The following AFAP1 variants were observed in gnomAD, a reference collection of about 807,000 sequenced individuals.
AFAP1 encodes actin filament-associated protein 1.
Under a neutral mutation model 93.9 loss-of-function variants are expected in AFAP1, and 75 were observed. The ratio of observed to expected loss-of-function variants is 0.80; its 90% confidence interval spans 0.66 to 0.97. The LOEUF (loss-of-function observed/expected upper bound fraction) is 0.97. Ranked by LOEUF, AFAP1 falls within the 50% of genes least tolerant of loss-of-function variation. The pLI is 0.00. For missense variants in AFAP1, 1,201 were observed against 1,050.8 expected, an observed-to-expected ratio of 1.14 and a Z score of -1.98; for synonymous variants, 517 against 430.7, an observed-to-expected ratio of 1.20 and a Z score of -2.48.
At chr4:7,869,165 A>T (rs184287766) in intron 2 of AFAP1, among the ~76,000 whole-genome samples, 2 of 151,950 alleles carry the variant, frequency 1.3e-5, no homozygotes, top group East Asian at 3.9e-4. Flanking sequence ...GGGAAAGGGA[A>T]AAGAAAAGAA....
At chr4:7,809,562 A>T in intron 9 of AFAP1, 52 bp downstream of exon 9, 3 of 1,568,130 alleles carry the variant, frequency 1.9e-6, no homozygotes, top group Non-Finnish European at 2.6e-6. Flanking sequence ...TGCAGGAGAA[A>T]ATGAAACCCA....
Position 7,761,748 on chromosome 4 carries a change from T to C in AFAP1, c.*2017A>G, listed in dbSNP as rs1326004502. 1 of 152,262 alleles carries C rather than the reference T, an allele frequency of 6.6e-6. No homozygotes were observed. The highest frequency in any genetic ancestry group is 2.4e-5 in the African/African-American group (1 of 41,464). 9.4% of individuals were successfully genotyped at this position (152,262 alleles called of 1,614,324 possible). A position where few individuals can be genotyped will look rare whatever the true frequency, so the allele number is the denominator to read the frequency against. On this transcript the variant is annotated 3_prime_UTR_variant, in exon 18 of 18. Transcript: ENST00000420658. The stretch of plus-strand genomic sequence containing the variant: ...GGAGGAGCAAACTTTTTTCCCTTTA[T>C]AGAAAATTCATTTTGTGTGATATGA...
chr4:7,763,434 G>A lies in AFAP1; in HGVS notation c.*331C>T. 1 of 299,614 alleles carries A rather than the reference G, an allele frequency of 3.3e-6. No homozygotes were observed. The highest frequency in any genetic ancestry group is 6.2e-6 in the Non-Finnish European group (1 of 161,318). 18.6% of individuals were successfully genotyped at this position (299,614 alleles called of 1,614,324 possible). A position where few individuals can be genotyped will look rare whatever the true frequency, so the allele number is the denominator to read the frequency against. ...ATGGAACCATCCATCCTCAGTCCAGGGCTGGGTTGGAATCGGTGAAAGCAA... is the reference window on the plus strand; with the variant it reads ...ATGGAACCATCCATCCTCAGTCCAGAGCTGGGTTGGAATCGGTGAAAGCAA... On this transcript the variant is annotated 3_prime_UTR_variant, in exon 18 of 18. Coordinates refer to ENST00000420658, the MANE Select transcript of AFAP1 (RefSeq NM_001134647.2).
At chr4:7,772,120 C>T (rs1715527155) in intron 16 of AFAP1, 1 of 152,188 alleles carries the variant, frequency 6.6e-6, no homozygotes, top group African/African-American at 2.4e-5. Flanking sequence ...GGTGGGGACC[C>T]AGGGGCACCC....
chr4:7,834,916 C>G (rs910483636), intron 6 of AFAP1, among the ~76,000 whole-genome samples: 2 of 150,288 alleles, frequency 1.3e-5, no homozygotes, highest in African/African-American at 2.5e-5. Context: ...CTGCGGGCAG[C>G]CTTAAGGTTA....
At chr4:7,921,983 C>T (rs943147436) in intron 1 of AFAP1, among the ~76,000 whole-genome samples, 1 of 152,094 alleles carries the variant, frequency 6.6e-6, no homozygotes, top group African/African-American at 2.4e-5. Flanking sequence ...ATTATCTGGG[C>T]ATGGTGGTGC....
chr4:7,862,516 C>T (rs1476632426), intron 3 of AFAP1, among the ~76,000 whole-genome samples: 2 of 151,732 alleles, frequency 1.3e-5, no homozygotes, highest in African/African-American at 2.4e-5. Context: ...CACAATACTA[C>T]GAATGTACTT....
chr4:7,816,163 G>A (rs1001858071), intron 7 of AFAP1, 64 bp from the exon 8 acceptor site: 2 of 1,364,170 alleles, frequency 1.5e-6, no homozygotes, highest in Non-Finnish European at 2.0e-6. Context: ...ATGTGTGATG[G>A]ATCAACCAAA....
chr4:7,786,616 G>A (rs56267681), intron 11 of AFAP1, among the ~76,000 whole-genome samples: 17,979 of 146,518 alleles, frequency 0.12, 1,294 homozygotes, highest in East Asian at 0.36. Context: ...ATTATCATCC[G>A]TCTCTCACTG....
chr4:7,856,920 T>C (rs1715138979), intron 3 of AFAP1, among the ~76,000 whole-genome samples: 2 of 152,244 alleles, frequency 1.3e-5, no homozygotes, highest in South Asian at 2.1e-4. Context: ...AGGGCATGTA[T>C]TCTATTACCT....
intron 1 of AFAP1, among the ~76,000 whole-genome samples, chr4:7,931,473 C>A (rs1327277412): frequency 2.0e-5 from 3 of 151,766 alleles, no homozygotes; most frequent in Admixed American, 1.3e-4. Context: ...CTTACTGCAG[C>A]CTCAAATTAT....
At chr4:7,870,023 C>T (rs1320518747) in intron 2 of AFAP1, among the ~76,000 whole-genome samples, 1 of 152,172 alleles carries the variant, frequency 6.6e-6, no homozygotes, top group African/African-American at 2.4e-5. Flanking sequence ...AGCAAGTGGT[C>T]ATCAATACCT....
rs1162412030 is a variant in AFAP1 at position 7,838,589 on chromosome 4, G to A, written c.661C>T (p.Gln221Ter). ...AGAACAAGCGGGTCCGTGCCCTGCT[G>A]AGTAATCTTCAGCTCGTGCTTCTTC... is the stretch of plus-strand genomic sequence containing the variant. ...KKKKHELKITQQGTDPLVLAV... is the reference protein window; with the variant it reads ...KKKKHELKIT Residue 221 changes from glutamine (Q) to a stop codon, truncating the protein, a stop_gained, in exon 6 of 18, where the codon CAG (glutamine) becomes TAG (stop). Coordinates refer to ENST00000420658, the MANE Select transcript of AFAP1 (RefSeq NM_001134647.2). LOFTEE classifies it high-confidence loss of function. 1.2e-6 allele frequency: 2 copies of A among 1,614,190 alleles called. No homozygotes were observed. Among genetic ancestry groups the A allele is most frequent in the Non-Finnish European group, 1.7e-6 (2 of 1,180,032 alleles).
intron 5 of AFAP1, among the ~76,000 whole-genome samples, chr4:7,841,249 G>A (rs554948114): frequency 6.6e-6 from 1 of 152,320 alleles, no homozygotes; most frequent in Admixed American, 6.5e-5. Flanking sequence ...GAGAGCTCTG[G>A]GGCTGGAAGG....
intron 4 of AFAP1, among the ~76,000 whole-genome samples, chr4:7,854,080 G>A (rs1177464049): frequency 1.3e-5 from 2 of 152,128 alleles, no homozygotes; most frequent in South Asian, 2.1e-4. Context: ...AGAGACAAAC[G>A]TTCCAAATGC....
intron 16 of AFAP1, among the ~76,000 whole-genome samples, chr4:7,770,607 A>C (rs1715298052): frequency 1.3e-5 from 2 of 152,188 alleles, no homozygotes; most frequent in Non-Finnish European, 2.9e-5. Context: ...GATGGATTCA[A>C]CTAGAGAATC....
chr4:7,868,576 C>G, intron 3 of AFAP1, 46 bp downstream of exon 3: 1 of 1,564,804 alleles, frequency 6.4e-7, no homozygotes, highest in Non-Finnish European at 8.7e-7. Context: ...GTAAGTACCC[C>G]CAGGCCTCCA....
intron 1 of AFAP1, among the ~76,000 whole-genome samples, chr4:7,933,602 A>G (rs148450710): frequency 6.0e-4 from 91 of 152,258 alleles, no homozygotes; most frequent in African/African-American, 1.9e-3. Flanking sequence ...AGGGTATAGA[A>G]CTTTCTCTGA....
chr4:7,864,312 A>C (rs1325685449), intron 3 of AFAP1, among the ~76,000 whole-genome samples: 1 of 152,190 alleles, frequency 6.6e-6, no homozygotes, highest in African/African-American at 2.4e-5. Context: ...TTTAATTTAC[A>C]GCACACCCTC....
Sources: allele counts gnomAD v4.1 joint callset (sites outside exome capture counted in the v4.1 genomes callset), GRCh38; gene constraint gnomAD v4.1.1; transcripts MANE v1.5; gene names NCBI Gene and HGNC (gene_info 2026-07-23, HGNC 2026-07-21).